The following ADAMTS6 variants were observed in gnomAD, a reference collection of about 807,000 sequenced individuals.
ADAMTS6 encodes A disintegrin and metalloproteinase with thrombospondin motifs 6.
A neutral mutation model predicts 144.3 loss-of-function variants in ADAMTS6; 23 were observed. The ratio of observed to expected loss-of-function variants is 0.16; its 90% CI spans 0.11 to 0.23. The LOEUF (loss-of-function observed/expected upper bound fraction) is 0.23, where lower values mean the gene tolerates loss of function less well. Ranked by LOEUF, ADAMTS6 falls within the 10% of genes least tolerant of loss-of-function variation. The pLI, the probability that ADAMTS6 is intolerant of heterozygous loss-of-function variation, is 1.00. For missense variants in ADAMTS6, 999 were observed against 1,379.6 expected (o/e 0.72, Z 4.37); for synonymous variants, 444 against 457.5 (o/e 0.97, Z 0.38).
intron 14 of ADAMTS6, 99 bp from the exon 15 acceptor site, chr5:65,242,305 C>CAATAATAAGG (rs1759259928): frequency 1.4e-6 from 1 of 721,510 alleles, no homozygotes; most frequent in African/African-American, 1.8e-5. Context: ...AACTCACTAC[C>CAATAATAAGG]TTATTCTGTG....
intron 7 of ADAMTS6, among the ~76,000 whole-genome samples, chr5:65,381,702 T>C (rs1397657818): frequency 6.6e-6 from 1 of 151,924 alleles, no homozygotes; most frequent in African/African-American, 2.4e-5. Flanking sequence ...TTATACCATT[T>C]TTGTTGCTGA....
chr5:65,250,148 G>A (rs113104801), intron 14 of ADAMTS6, among the ~76,000 whole-genome samples: 2 of 152,260 alleles, frequency 1.3e-5, no homozygotes, highest in African/African-American at 4.8e-5. Context: ...ATTTGATGAG[G>A]TATTGAATAC....
At chr5:65,306,804 G>C (rs944397898) in intron 9 of ADAMTS6, among the ~76,000 whole-genome samples, 1 of 152,066 alleles carries the variant, frequency 6.6e-6, no homozygotes, top group South Asian at 2.1e-4. Flanking sequence ...CTTTTTATAC[G>C]CTTATTGACA....
Position 65,224,980 on chromosome 5 carries a change from T to A in ADAMTS6, c.2135A>T (p.Asp712Val). 1 of 1,614,006 alleles carries A rather than the reference T, an allele frequency of 6.2e-7. No individual in the cohort carries two copies. Among genetic ancestry groups the A allele is most frequent in the Non-Finnish European group, 8.5e-7 (1 of 1,179,992 alleles). The change falls in exon 17 of 25, where the codon GAC becomes GTC. Residue 712 changes from aspartate (D) to valine (V), a missense_variant. This residue lies in a region of ADAMTS6 where 619 missense variants were observed against 837.0 expected (regional missense o/e 0.74). Coordinates refer to ENST00000381055, the MANE Select transcript of ADAMTS6 (RefSeq NM_197941.4). ...REDRCRVCGG[D>V]GSTCDAIEGF... ...TTCAATGGCATCACATGTGCTTCCG[T>A]CCCCTCCACAGACTCGACATCTATC...
chr5:65,371,513 G>A (rs1277221220), intron 7 of ADAMTS6, among the ~76,000 whole-genome samples: 4 of 152,152 alleles, frequency 2.6e-5, no homozygotes, highest in Admixed American at 2.6e-4. Flanking sequence ...CTGGAAGAAA[G>A]GGTATCAGCG....
At chr5:65,179,735 T>C (rs1464053788) in intron 22 of ADAMTS6, among the ~76,000 whole-genome samples, 1 of 152,158 alleles carries the variant, frequency 6.6e-6, no homozygotes, top group Non-Finnish European at 1.5e-5. Context: ...CTCAGAGTCT[T>C]ATTTAGGAGA....
rs1756141795 is a variant in ADAMTS6, at chr5:65,206,873, C to T, written c.2575+7921G>A. ...ACACACACACACACACACACAAATA[C>T]ACACACACACAGACTCATACATTAG... On this transcript the variant is annotated intron_variant, in intron 20 of 24. Coordinates refer to ENST00000381055, the MANE Select transcript of ADAMTS6 (RefSeq NM_197941.4). Among the ~76,000 whole-genome samples, 3 of 150,086 alleles carry T rather than the reference C, an allele frequency of 2.0e-5. No individual in the cohort carries two copies. The South Asian group carries it at 6.3e-4, about 32-fold the overall frequency.
chr5:65,222,505 T>C (rs6449776), intron 18 of ADAMTS6, among the ~76,000 whole-genome samples: 152,276 of 152,276 alleles, frequency 1, 76,138 homozygotes, highest in Non-Finnish European at 1. Context: ...GAATTTCATG[T>C]ATCTTACATT....
intron 22 of ADAMTS6, among the ~76,000 whole-genome samples, chr5:65,186,392 A>G (rs1046490088): frequency 2.0e-5 from 3 of 152,144 alleles, no homozygotes; most frequent in African/African-American, 7.2e-5. Context: ...CATTTGCCCA[A>G]GCTTATGGGA....
intron 14 of ADAMTS6, among the ~76,000 whole-genome samples, chr5:65,253,575 G>T (rs1022823272): frequency 5.9e-5 from 9 of 152,002 alleles, no homozygotes; most frequent in Non-Finnish European, 1.2e-4. Context: ...ATATACTAAG[G>T]CAGGAAGCTG....
intron 21 of ADAMTS6, among the ~76,000 whole-genome samples, chr5:65,193,510 T>G (rs1350027596): frequency 1.3e-5 from 2 of 151,962 alleles, no homozygotes; most frequent in African/African-American, 2.4e-5. Context: ...ATATGCAAAA[T>G]AAGACAGCAA....
intron 7 of ADAMTS6, among the ~76,000 whole-genome samples, chr5:65,359,826 A>C (rs1353860237): frequency 6.6e-6 from 1 of 152,136 alleles, no homozygotes; most frequent in Non-Finnish European, 1.5e-5. Flanking sequence ...AGTAGAGTTG[A>C]ATAGTGGTTA....
intron 7 of ADAMTS6, among the ~76,000 whole-genome samples, chr5:65,388,983 G>T (rs560248500): frequency 1.3e-5 from 2 of 152,232 alleles, no homozygotes; most frequent in South Asian, 2.1e-4. Context: ...CGAGGTGGGC[G>T]GATCACGAGG....
chr5:65,329,333 G>A (rs1345195662), intron 9 of ADAMTS6, 45 bp downstream of exon 9: 2 of 1,575,320 alleles, frequency 1.3e-6, no homozygotes, highest in East Asian at 4.5e-5. Flanking sequence ...AGTTGCTCAA[G>A]AGCAGAGTTC....
chr5:65,160,911 CAA>C (rs1340285903), intron 24 of ADAMTS6, among the ~76,000 whole-genome samples: 1 of 152,150 alleles, frequency 6.6e-6, no homozygotes, highest in African/African-American at 2.4e-5. Context: ...CTCAGCCTCC[CAA>C]AGTGCTGGGA....
intron 22 of ADAMTS6, among the ~76,000 whole-genome samples, chr5:65,182,322 G>A (rs539069181): frequency 5.3e-5 from 8 of 151,628 alleles, no homozygotes; most frequent in Non-Finnish European, 7.4e-5. Context: ...GTGGTGGCAC[G>A]TGCCTGTACT....
At chr5:65,339,341 C>T (rs901133439) in intron 7 of ADAMTS6, among the ~76,000 whole-genome samples, 3 of 151,798 alleles carry the variant, frequency 2.0e-5, no homozygotes, top group Non-Finnish European at 4.4e-5. Flanking sequence ...ACCCCAAGAC[C>T]TATTTATATG....
At chr5:65,229,573 A>T (rs1355485046) in intron 15 of ADAMTS6, among the ~76,000 whole-genome samples, 1 of 152,228 alleles carries the variant, frequency 6.6e-6, no homozygotes, top group Admixed American at 6.5e-5. Flanking sequence ...AAAACAATAC[A>T]TGAACAAAGT....
At chr5:65,200,497 C>A (rs975922250) in intron 20 of ADAMTS6, among the ~76,000 whole-genome samples, 3 of 152,102 alleles carry the variant, frequency 2.0e-5, no homozygotes, top group African/African-American at 7.2e-5. Flanking sequence ...CATCCAGTTA[C>A]ACGAAACCAC....
Sources: gnomAD v4.1 joint callset for allele counts (sites outside exome capture counted in the v4.1 genomes callset) on GRCh38, gnomAD v4.1.1 for gene constraint, gnomAD v4.1.1 regional missense constraint, MANE v1.5 for transcripts, NCBI Gene and HGNC (gene_info 2026-07-23, HGNC 2026-07-21) for gene names.